Variants in LBHD1 observed in about 807,000 individuals in gnomAD.
The protein encoded by LBHD1 is LBH domain containing 1, also known as LBH domain-containing protein 1.
A neutral mutation model predicts 31.1 loss-of-function variants in LBHD1; 28 were observed. That is an observed-to-expected ratio of 0.90 (90% CI 0.67 to 1.24). The LOEUF is 1.24. Among genes scored for constraint, LBHD1 ranks in the 50% most tolerant of loss-of-function variants. LBHD1 has a pLI of 0.00. For synonymous variants in LBHD1, 105 were observed against 116.5 expected (o/e 0.90, Z 0.63); for missense variants, 350 against 323.0 (o/e 1.08, Z -0.64).
At chr11:62,665,859 C>G (rs774246334) in intron 4 of LBHD1, 12 of 1,610,776 alleles carry the variant, frequency 7.4e-6, no homozygotes, top group East Asian at 2.2e-5. Flanking sequence ...CTTCTCTGGT[C>G]GAACTTACCC....
Position 62,665,505 on chromosome 11 carries a change from G to A in LBHD1, c.539-532C>T, listed in dbSNP as rs1453412090. On this transcript the variant is annotated intron_variant, in intron 4 of 6. Coordinates refer to ENST00000354588, the MANE Select transcript of LBHD1 (RefSeq NM_024099.5). ...AGAGGGAAAGGGCTCTGGCCCCCTC[G>A]GCGTCATGTCTTCGGTGCTGGCGGC... The A allele has an allele frequency of 2.5e-6, 4 of 1,573,220 alleles. No individual in the cohort carries two copies. The South Asian group carries it at 3.4e-5, about 13-fold the overall frequency.
At position 62,666,069 on chromosome 11, in the gene LBHD1, C is replaced by G. The variant is rs190646676; in HGVS notation, c.539-1096G>C. 1.6e-4 allele frequency: 182 copies of G among 1,149,670 alleles called. No homozygotes were observed. The African/African-American group carries it at 2.5e-3, about 16-fold the overall frequency. The allele number at this position is 1,149,670 out of a possible 1,614,324, so 71.2% of individuals were successfully genotyped here. On this transcript the variant is annotated intron_variant, in intron 4 of 6. Coordinates refer to ENST00000354588, the MANE Select transcript of LBHD1 (RefSeq NM_024099.5). ...GTGATTCTCAAACCCTACGGTGGGC[C>G]GTGCGTGGTGGCTCACGGCTGTAAT...
intron 4 of LBHD1, chr11:62,665,210 C>G: frequency 1.3e-6 from 1 of 794,128 alleles, no homozygotes; most frequent in Non-Finnish European, 2.1e-6. Flanking sequence ...TACTTCCGCT[C>G]AGCGCCGGAT....
In LBHD1 at chr11:62,665,184, T is replaced by G. The variant is rs557442732; in HGVS notation, c.539-211A>C. ...GGAGCTCCCATAGTCGCGATTCCAC[T>G]CCAGTTCACGGTCCGTACTTCCGCT... is the stretch of plus-strand genomic sequence containing the variant. On this transcript the variant is annotated intron_variant, in intron 4 of 6. Transcript: ENST00000354588. 3.8e-3 allele frequency: 3,072 copies of G among 815,190 alleles called. 65 individuals are homozygous for G. The African/African-American group carries it at 0.046, about 12-fold the overall frequency. The allele number at this position is 815,190 out of a possible 1,614,324, so 50.5% of individuals were successfully genotyped here. A position where few individuals can be genotyped will look rare whatever the true frequency, so the allele number is the denominator to read the frequency against.
chr11:62,662,854 G>A lies in LBHD1; in HGVS notation c.*275C>T. The A allele has an allele frequency of 3.4e-6, 2 of 588,754 alleles. No individual in the cohort carries two copies. The highest frequency in any genetic ancestry group is 3.0e-6 in the Non-Finnish European group (1 of 332,972). The allele number at this position is 588,754 out of a possible 1,614,324, so 36.5% of individuals were successfully genotyped here. Reference sequence around the variant, plus strand: ...GGCTTTATTACAAATGGAGTTGACTGCTAGAGAGGCCCTTCTCCAATCTTT... The same window carrying A: ...GGCTTTATTACAAATGGAGTTGACTACTAGAGAGGCCCTTCTCCAATCTTT... On this transcript the variant is annotated 3_prime_UTR_variant, in exon 7 of 7. Coordinates refer to ENST00000354588, the MANE Select transcript of LBHD1 (RefSeq NM_024099.5).
Position 62,667,869 on chromosome 11 carries a change from T to C in LBHD1, c.314-122A>G, listed in dbSNP as rs1185575460. On this transcript the variant is annotated intron_variant, in intron 3 of 6. Coordinates refer to ENST00000354588, the MANE Select transcript of LBHD1 (RefSeq NM_024099.5). ...ACTTTGGGAGGCCAAGGTGGGCAGATTGCTTGAGCCCTGGCAATAAAGTGA... is the reference window on the plus strand; with the variant it reads ...ACTTTGGGAGGCCAAGGTGGGCAGACTGCTTGAGCCCTGGCAATAAAGTGA... 9 of 691,476 alleles carry C rather than the reference T, an allele frequency of 1.3e-5. No individual in the cohort carries two copies. The South Asian group carries it at 1.6e-4, about 12-fold the overall frequency. The allele number at this position is 691,476 out of a possible 1,614,324, so 42.8% of individuals were successfully genotyped here.
intron 1 of LBHD1, 138 bp downstream of exon 1, chr11:62,671,426 C>CA: frequency 7.8e-7 from 1 of 1,277,492 alleles, no homozygotes; most frequent in Non-Finnish European, 1.0e-6. Context: ...GAAAAATGGG[C>CA]AATCATAAAA....
rs746634812 is a variant in LBHD1, at chr11:62,669,742, T to A, written c.212A>T (p.Glu71Val). Residue 71 changes from glutamate to valine, a missense_variant, in exon 3 of 7, where the codon GAG becomes GTG. By Grantham distance (121) the Glu-to-Val change is moderately radical. Coordinates refer to ENST00000354588, the MANE Select transcript of LBHD1 (RefSeq NM_024099.5). ...ATGGGGCAAATGGAGATCCCCACTC[T>A]CTTCATTCACCTCACTGGATTCCAC... ...IVVESSEVNE[E>V]SGDLHLPHEE... is the part of the protein sequence containing the mutation. 6.2e-7 allele frequency: 1 copy of A among 1,614,174 alleles called. No homozygotes were observed. The highest frequency in any genetic ancestry group is 1.7e-5 in the Admixed American group (1 of 60,012).
In LBHD1 at chr11:62,672,077, T is replaced by C; in HGVS notation, c.-524A>G. 1.2e-6 allele frequency: 2 copies of C among 1,604,140 alleles called. No homozygotes were observed. Among genetic ancestry groups the C allele is most frequent in the Non-Finnish European group, 1.7e-6 (2 of 1,175,692 alleles). Reference sequence around the variant, plus strand: ...GTGGCCTGGAGGAAGAACTGGATGGTTGGCGGCGAAGGCGGCGCCGGCGGG... The same window carrying C: ...GTGGCCTGGAGGAAGAACTGGATGGCTGGCGGCGAAGGCGGCGCCGGCGGG... On this transcript the variant is annotated 5_prime_UTR_variant, in exon 1 of 7. Transcript: ENST00000354588.
chr11:62,671,693 G>T lies in LBHD1; in HGVS notation c.-140C>A. Reference sequence around the variant, plus strand: ...GGGGTAGTGAGACCGCGCGGCAACAGCTTGCGGCTGCGGGGAGCTCCCGTG... The same window carrying T: ...GGGGTAGTGAGACCGCGCGGCAACATCTTGCGGCTGCGGGGAGCTCCCGTG... On this transcript the variant is annotated 5_prime_UTR_variant, in exon 1 of 7. The change creates a new upstream start codon in the 5' untranslated region. Transcript: ENST00000354588. 12 of 1,602,920 alleles carry T rather than the reference G, an allele frequency of 7.5e-6. No individual in the cohort carries two copies. The South Asian group carries it at 1.2e-4, about 16-fold the overall frequency.
chr11:62,667,024 T>G, intron 4 of LBHD1: 4 of 1,607,406 alleles, frequency 2.5e-6, no homozygotes, highest in Non-Finnish European at 3.4e-6. Flanking sequence ...TCACCTACTT[T>G]GCTTACTTGA....
intron 3 of LBHD1, among the ~76,000 whole-genome samples, chr11:62,669,125 T>A (rs1476029748): frequency 6.6e-6 from 1 of 152,010 alleles, no homozygotes; most frequent in African/African-American, 2.4e-5. Flanking sequence ...TTTCACCATG[T>A]TAGCCAGGAT....
intron 4 of LBHD1, chr11:62,665,258 C>T: frequency 1.3e-6 from 1 of 750,254 alleles, no homozygotes; most frequent in Non-Finnish European, 2.3e-6. Flanking sequence ...GGGCCAATCG[C>T]AACTCGGGGG....
At position 62,663,278 on chromosome 11, in the gene LBHD1, G is replaced by C. The variant is rs1232626484; in HGVS notation, c.719C>G (p.Pro240Arg). 2 of 1,614,180 alleles carry C rather than the reference G, an allele frequency of 1.2e-6. No homozygotes were observed. Among genetic ancestry groups the C allele is most frequent in the Admixed American group, 1.7e-5 (1 of 60,004 alleles). The change falls in exon 6 of 7, where the codon CCA becomes CGA. Residue 240 changes from proline (P) to arginine (R), a missense_variant. Physicochemically the swap from Pro to Arg is moderately radical, Grantham distance 103. Transcript: ENST00000354588. ...TVREEAQKTPPADPACPERED... is the reference protein window; with the variant it reads ...TVREEAQKTPRADPACPERED... ...TCTTTCTGGGCAAGCCGGATCTGCTGGAGGAGTTTTCTGCGCTTCTTCCCT... is the reference window on the plus strand; with the variant it reads ...TCTTTCTGGGCAAGCCGGATCTGCTCGAGGAGTTTTCTGCGCTTCTTCCCT...
intron 4 of LBHD1, 173 bp from the exon 5 acceptor site, chr11:62,665,146 G>A: frequency 1.0e-6 from 1 of 986,152 alleles, no homozygotes; most frequent in Non-Finnish European, 1.6e-6. Context: ...GGGGCCGGTT[G>A]ATCTTTCCCC....
chr11:62,663,452 A>AT (rs1319341180), intron 5 of LBHD1, 119 bp from the exon 6 acceptor site: 110 of 1,034,038 alleles, frequency 1.1e-4, no homozygotes, highest in Admixed American at 1.4e-4. Flanking sequence ...CACGCCTGTA[A>AT]TCCCAGCACT....
rs755957695 is a variant in LBHD1 at position 62,665,082 on chromosome 11, G to A, written c.539-109C>T. On this transcript the variant is annotated intron_variant, in intron 4 of 6. Transcript: ENST00000354588. Reference sequence around the variant, plus strand: ...TGATCCCATCTCGTGCGAGATAAAAGGGCTCAGGAACGCTTGAGGAAACAA... The same window carrying A: ...TGATCCCATCTCGTGCGAGATAAAAAGGCTCAGGAACGCTTGAGGAAACAA... 14 of 1,503,568 alleles carry A rather than the reference G, an allele frequency of 9.3e-6. No individual in the cohort carries two copies. In the East Asian group the frequency reaches 2.6e-4, roughly 27 times the overall value. 93.1% of individuals were successfully genotyped at this position (1,503,568 alleles called of 1,614,324 possible).
At chr11:62,665,269 C>A in intron 4 of LBHD1, 1 of 736,978 alleles carries the variant, frequency 1.4e-6, no homozygotes, top group Non-Finnish European at 2.4e-6. Flanking sequence ...AACTCGGGGG[C>A]GGGTCCTCGG....
At position 62,667,617 on chromosome 11, in the gene LBHD1, G is replaced by A. The variant is rs1382082999; in HGVS notation, c.444C>T (p.Thr148=). The change falls in exon 4 of 7, where the codon ACC becomes ACT. Residue 148 remains threonine, a synonymous_variant. Transcript: ENST00000354588. ...ILEDTACLEA[T]NHCPFWDSTG... ...TTGAGTCCCAGAAGGGACAGTGGTT[G>A]GTGGCTTCCAGACATGCTGTGTCCT... The A allele has an allele frequency of 5.0e-6, 8 of 1,614,106 alleles. No homozygotes were observed. Among genetic ancestry groups the A allele is most frequent in the Non-Finnish European group, 5.9e-6 (7 of 1,180,016 alleles).
Sources: gnomAD v4.1 joint callset for allele counts (sites outside exome capture counted in the v4.1 genomes callset) on GRCh38, gnomAD v4.1.1 for gene constraint, MANE v1.5 for transcripts, NCBI Gene and HGNC (gene_info 2026-07-23, HGNC 2026-07-21) for gene names.